The following PIK3R4 variants were observed in gnomAD, a reference collection of about 807,000 sequenced individuals.
The protein encoded by PIK3R4 is phosphoinositide-3-kinase regulatory subunit 4, also known as phosphoinositide 3-kinase regulatory subunit 4.
In PIK3R4, 46 loss-of-function variants were observed where a neutral mutation model predicts 136.5. The ratio of observed to expected loss-of-function variants is 0.34; its 90% CI spans 0.27 to 0.43. The LOEUF (loss-of-function observed/expected upper bound fraction) is 0.43. PIK3R4 is among the 20% of genes least tolerant of loss of function. PIK3R4 has a pLI of 1.00. For missense variants in PIK3R4, 1,331 were observed against 1,649.5 expected (o/e 0.81, Z 3.35); for synonymous variants, 557 against 566.7 (o/e 0.98, Z 0.24).
rs79233720 is a variant in PIK3R4, at chr3:130,692,853, T to A, written c.3099-2199A>T. ...CCCCATCTCTTTTAATATTGACATA[T>A]AATTCACATATCACCAAATTTACCC... On this transcript the variant is annotated intron_variant, in intron 13 of 19. Transcript: ENST00000356763. Among the ~76,000 whole-genome samples the A allele has an allele frequency of 2.2e-4, 34 of 152,324 alleles. No homozygotes were observed. The East Asian group carries it at 6.2e-3, about 28-fold the overall frequency.
In PIK3R4 at chr3:130,718,467, A is replaced by G; in HGVS notation, c.2049T>C (p.Ala683=). The change falls in exon 8 of 20, where the codon GCT becomes GCC. Residue 683 remains alanine, a synonymous_variant. Transcript: ENST00000356763. ...AGACATCAGCTGTACTTATTTGACG[A>G]GCTACCACTGTGATAAATCCCACGG... The part of the protein sequence containing the change: ...YGAVGFITVV[A]RQISTADVYC... 2.5e-6 allele frequency: 4 copies of G among 1,613,902 alleles called. No individual in the cohort carries two copies. Among genetic ancestry groups the G allele is most frequent in the Non-Finnish European group, 3.4e-6 (4 of 1,179,790 alleles).
chr3:130,735,743 T>C, intron 3 of PIK3R4, 126 bp downstream of exon 3: 3 of 731,564 alleles, frequency 4.1e-6, no homozygotes, highest in Non-Finnish European at 6.4e-6. Context: ...AAAAGGCTGT[T>C]TATATTAGTC....
At chr3:130,716,643 T>C (rs1559826305) in intron 8 of PIK3R4, 44 bp from the exon 9 acceptor site, 5 of 1,165,740 alleles carry the variant, frequency 4.3e-6, no homozygotes, top group Non-Finnish European at 1.2e-6. Context: ...ATATAACATG[T>C]ACAGTTATTT....
rs757914369 is a variant in PIK3R4 at position 130,746,384 on chromosome 3, G to C, written c.-113C>G. ...AACGAGGTCATAGTAGACTACTTCG[G>C]GGACGGGACGGGAAAACGCGTCAGC... On this transcript the variant is annotated 5_prime_UTR_variant, in exon 1 of 20. Transcript: ENST00000356763. 5 of 152,248 alleles carry C rather than the reference G, an allele frequency of 3.3e-5. No homozygotes were observed. Among genetic ancestry groups the C allele is most frequent in the Non-Finnish European group, 7.3e-5 (5 of 68,106 alleles). 9.4% of individuals were successfully genotyped at this position (152,248 alleles called of 1,614,324 possible). A position where few individuals can be genotyped will look rare whatever the true frequency, so the allele number is the denominator to read the frequency against.
rs943920903 is a variant in PIK3R4, at chr3:130,723,337, T to A, written c.1981+77A>T. The A allele has an allele frequency of 4.1e-6, 5 of 1,232,284 alleles. No homozygotes were observed. In the African/African-American group the frequency reaches 7.6e-5, roughly 19 times the overall value. 76.3% of individuals were successfully genotyped at this position (1,232,284 alleles called of 1,614,324 possible). On this transcript the variant is annotated intron_variant, in intron 7 of 19. Transcript: ENST00000356763. ...ACAATCAATAGCAGGAACAATAAAG[T>A]TGCAATTCTTTATATTACCTAGAAA...
chr3:130,680,308 G>A (rs938816266), intron 19 of PIK3R4, among the ~76,000 whole-genome samples: 2 of 152,098 alleles, frequency 1.3e-5, no homozygotes, highest in Admixed American at 6.6e-5. Context: ...CTAGCTGTGT[G>A]ACCTTGAACA....
rs2403312 is a variant in PIK3R4 at position 130,709,734 on chromosome 3, G to C, written c.2332-1242C>G. Among the ~76,000 whole-genome samples the C allele has an allele frequency of 3.9e-5, 6 of 152,044 alleles. No individual in the cohort carries two copies. In the South Asian group the frequency reaches 1.2e-3, roughly 32 times the overall value. On this transcript the variant is annotated intron_variant, in intron 9 of 19. Coordinates refer to ENST00000356763, the MANE Select transcript of PIK3R4 (RefSeq NM_014602.3). ...ACTGATACATGCTACAACATAGGGGGACCTTAAAAACATTAAGATCAGTGA... is the reference window on the plus strand; with the variant it reads ...ACTGATACATGCTACAACATAGGGGCACCTTAAAAACATTAAGATCAGTGA...
intron 18 of PIK3R4, 61 bp from the exon 19 acceptor site, chr3:130,680,782 A>T (rs2066453049): frequency 9.4e-7 from 1 of 1,065,710 alleles, no homozygotes; most frequent in African/African-American, 1.6e-5. Flanking sequence ...ACTAATAATC[A>T]TTGGCTTATC....
At position 130,705,632 on chromosome 3, in the gene PIK3R4, T is replaced by G; in HGVS notation, c.2861A>C (p.Gln954Pro). The part of the protein sequence containing the change: ...LQQLIQQKRE[Q>P]CNAERIAKQM... The stretch of plus-strand genomic sequence containing the variant: ...CTTAGCTATTCTCTCAGCATTGCAC[T>G]GCTCCCGCTTTTGCTGGATGAGTTG... Residue 954 changes from glutamine (Q) to proline (P), a missense_variant, in exon 12 of 20, where the codon CAG becomes CCG. Transcript: ENST00000356763. 6.2e-7 allele frequency: 1 copy of G among 1,613,850 alleles called. No individual in the cohort carries two copies. The highest frequency in any genetic ancestry group is 8.5e-7 in the Non-Finnish European group (1 of 1,179,702).
At position 130,686,458 on chromosome 3, in the gene PIK3R4, A is replaced by C. The variant is rs757949713; in HGVS notation, c.3264-36T>G. ...ACACAAAGCACAGACGTTTCCAGTC[A>C]CTGAAAACATAGCACTAGTCTCCCT... On this transcript the variant is annotated intron_variant, in intron 14 of 19. Coordinates refer to ENST00000356763, the MANE Select transcript of PIK3R4 (RefSeq NM_014602.3). 5 of 1,283,562 alleles carry C rather than the reference A, an allele frequency of 3.9e-6. No homozygotes were observed. In the African/African-American group the frequency reaches 5.8e-5, roughly 15 times the overall value. 79.5% of individuals were successfully genotyped at this position (1,283,562 alleles called of 1,614,324 possible).
chr3:130,687,949 T>C (rs565002791), intron 14 of PIK3R4, among the ~76,000 whole-genome samples: 65 of 152,334 alleles, frequency 4.3e-4, no homozygotes, highest in African/African-American at 1.5e-3. Context: ...TATGTGTTCA[T>C]TGCTACGGCA....
intron 4 of PIK3R4, among the ~76,000 whole-genome samples, chr3:130,731,979 T>C (rs1038874260): frequency 1.3e-5 from 2 of 152,118 alleles, no homozygotes; most frequent in African/African-American, 4.8e-5. Context: ...GATCACATAC[T>C]GGGCCTTGAA....
chr3:130,719,863 T>C (rs974129732), intron 7 of PIK3R4, among the ~76,000 whole-genome samples: 1 of 152,304 alleles, frequency 6.6e-6, no homozygotes, highest in Admixed American at 6.5e-5. Flanking sequence ...AAATGTGCTA[T>C]ATAGCTGGGT....
intron 15 of PIK3R4, among the ~76,000 whole-genome samples, chr3:130,685,024 A>G (rs540519849): frequency 6.6e-6 from 1 of 152,358 alleles, no homozygotes; most frequent in Admixed American, 6.5e-5. Context: ...CCTAAATTCA[A>G]GCACAGAAGA....
intron 11 of PIK3R4, 131 bp downstream of exon 11, chr3:130,706,817 G>T (rs1245567120): frequency 3.6e-6 from 2 of 554,340 alleles, no homozygotes; most frequent in South Asian, 4.8e-5. Flanking sequence ...GTCTTAGAAA[G>T]AAATATGACC....
At chr3:130,716,112 T>C (rs763168360) in intron 9 of PIK3R4, among the ~76,000 whole-genome samples, 3 of 152,232 alleles carry the variant, frequency 2.0e-5, no homozygotes, top group Admixed American at 6.5e-5. Context: ...AAATCTAAGG[T>C]TGTTTCTACT....
chr3:130,725,247 A>T (rs572953085), intron 6 of PIK3R4, among the ~76,000 whole-genome samples: 98 of 152,068 alleles, frequency 6.4e-4, no homozygotes, highest in African/African-American at 2.2e-3. Context: ...GAATATGGCT[A>T]TGAATATGAG....
intron 6 of PIK3R4, among the ~76,000 whole-genome samples, chr3:130,727,224 C>CT (rs776308786): frequency 0.025 from 3,639 of 144,220 alleles, 124 homozygotes; most frequent in East Asian, 0.1. Context: ...AACTTAAAGT[C>CT]TTTTTTTTTT....
At chr3:130,718,234 G>C (rs948452273) in intron 8 of PIK3R4, among the ~76,000 whole-genome samples, 155 bp downstream of exon 8, 1 of 152,030 alleles carries the variant, frequency 6.6e-6, no homozygotes, top group African/African-American at 2.4e-5. Context: ...AAGGTGCTTG[G>C]TTCATTAACA....
Sources: gnomAD v4.1 joint callset for allele counts (sites outside exome capture counted in the v4.1 genomes callset) on GRCh38, gnomAD v4.1.1 for gene constraint, MANE v1.5 for transcripts, NCBI Gene and HGNC (gene_info 2026-07-23, HGNC 2026-07-21) for gene names.